The following TULP4 variants were observed in gnomAD, a reference collection of about 807,000 sequenced individuals.
TULP4 encodes tubby-related protein 4.
TULP4 carries 16 observed loss-of-function variants against 129.0 expected under a neutral mutation model. That is an observed-to-expected ratio of 0.12 (90% confidence interval 0.08 to 0.19). The LOEUF is 0.19. Among genes scored for constraint, TULP4 ranks in the 10% least tolerant of loss-of-function variants. TULP4 has a pLI of 1.00. For missense variants in TULP4, 1,842 were observed against 2,059.1 expected (o/e 0.89, Z 2.04); for synonymous variants, 998 against 854.0 (o/e 1.17, Z -2.94).
intron 1 of TULP4, among the ~76,000 whole-genome samples, chr6:158,371,265 C>G (rs1245449753): frequency 1.3e-5 from 2 of 152,156 alleles, no homozygotes; most frequent in Admixed American, 6.6e-5. Flanking sequence ...GGAGACAAAG[C>G]CCACACGGAG....
intron 1 of TULP4, among the ~76,000 whole-genome samples, chr6:158,236,778 A>C (rs924464325): frequency 1.5e-5 from 2 of 137,058 alleles, no homozygotes; most frequent in African/African-American, 5.3e-5. Context: ...CAAGATGGGT[A>C]AATGCCCAAT....
intron 1 of TULP4, among the ~76,000 whole-genome samples, chr6:158,328,485 C>T (rs896416010): frequency 2.0e-5 from 3 of 152,052 alleles, no homozygotes; most frequent in Admixed American, 1.3e-4. Context: ...CCTGAGATTC[C>T]CAAAACGAGT....
In TULP4 at chr6:158,377,698, T is replaced by A. The variant is rs141720097; in HGVS notation, c.253-35367T>A. 5.8e-4 allele frequency among the ~76,000 whole-genome samples: 88 copies of A among 152,302 alleles called. 1 individual carries two copies. The highest frequency in any genetic ancestry group is 4.1e-3 in the Admixed American group (63 of 15,300). The stretch of plus-strand genomic sequence containing the variant: ...GACTTCTGCGTGACCACATTTGGGA[T>A]GGAACAAGACATTTATTGAGGGTCT... On this transcript the variant is annotated intron_variant, in intron 1 of 13. Transcript: ENST00000367097.
intron 1 of TULP4, among the ~76,000 whole-genome samples, chr6:158,235,464 C>T (rs1222400110): frequency 6.6e-6 from 1 of 152,150 alleles, no homozygotes; most frequent in African/African-American, 2.4e-5. Flanking sequence ...AGCGTGATAT[C>T]CTCAGGGTTC....
At chr6:158,238,744 G>A (rs1777776577) in intron 1 of TULP4, among the ~76,000 whole-genome samples, 5 of 98,274 alleles carry the variant, frequency 5.1e-5, no homozygotes, top group African/African-American at 1.9e-4. Context: ...AGGGTTGGGG[G>A]TAAGGTCACA....
intron 1 of TULP4, among the ~76,000 whole-genome samples, chr6:158,285,644 T>G (rs1401211598): frequency 3.3e-5 from 5 of 152,240 alleles, no homozygotes; most frequent in Non-Finnish European, 7.3e-5. Context: ...CATGTAGTTG[T>G]AAGCACATGT....
At chr6:158,441,549 A>G (rs1778899667) in intron 3 of TULP4, among the ~76,000 whole-genome samples, 1 of 152,172 alleles carries the variant, frequency 6.6e-6, no homozygotes, top group Non-Finnish European at 1.5e-5. Context: ...GGGGTTCCAC[A>G]TGGCACTGCT....
intron 1 of TULP4, among the ~76,000 whole-genome samples, chr6:158,404,547 G>C (rs1371475285): frequency 6.6e-6 from 1 of 152,114 alleles, no homozygotes; most frequent in African/African-American, 2.4e-5. Flanking sequence ...GGAGGCCAAG[G>C]CGGGTGGATC....
intron 1 of TULP4, among the ~76,000 whole-genome samples, chr6:158,252,400 G>A (rs1778160933): frequency 1.3e-5 from 2 of 150,776 alleles, no homozygotes; most frequent in South Asian, 2.1e-4. Context: ...TTTTTAGGTG[G>A]AGTCTCGCTC....
chr6:158,240,597 C>G (rs1328235442), intron 1 of TULP4, among the ~76,000 whole-genome samples: 2 of 94,372 alleles, frequency 2.1e-5, no homozygotes, highest in African/African-American at 3.4e-5. Context: ...TAGGGGCGGC[C>G]GGGCAGAGGC....
At chr6:158,329,869 G>C (rs1583754542) in intron 1 of TULP4, among the ~76,000 whole-genome samples, 1 of 152,074 alleles carries the variant, frequency 6.6e-6, no homozygotes, top group Non-Finnish European at 1.5e-5. Context: ...GTCAGGCTCT[G>C]TAATGTAAAC....
intron 1 of TULP4, among the ~76,000 whole-genome samples, chr6:158,397,425 C>T (rs1777743087): frequency 2.0e-5 from 3 of 152,202 alleles, no homozygotes; most frequent in Non-Finnish European, 2.9e-5. Context: ...CCTGGTACTG[C>T]AGAAGAGGTA....
chr6:158,511,451 A>G lies in TULP4; in HGVS notation c.*4757A>G, dbSNP rs1317762184. On this transcript the variant is annotated 3_prime_UTR_variant, in exon 14 of 14. Coordinates refer to ENST00000367097, the MANE Select transcript of TULP4 (RefSeq NM_020245.5). ...GTGCATAGGCCCCAGACCAAACTAG[A>G]CCACCAGCATGTTCATGTCCAGACC... 6.7e-6 allele frequency: 1 copy of G among 149,736 alleles called. No individual in the cohort carries two copies. The highest frequency in any genetic ancestry group is 1.5e-5 in the Non-Finnish European group (1 of 67,732). 9.3% of individuals were successfully genotyped at this position (149,736 alleles called of 1,614,324 possible). A position where few individuals can be genotyped will look rare whatever the true frequency, so the allele number is the denominator to read the frequency against.
At chr6:158,239,260 C>T (rs1233747114) in intron 1 of TULP4, among the ~76,000 whole-genome samples, 2 of 33,416 alleles carry the variant, frequency 6.0e-5, no homozygotes, top group Non-Finnish European at 6.1e-5. Flanking sequence ...CCTCCCGGAC[C>T]GGGCGGCTGG....
intron 1 of TULP4, among the ~76,000 whole-genome samples, chr6:158,360,123 A>G (rs1005755767): frequency 6.6e-6 from 1 of 151,418 alleles, no homozygotes; most frequent in Non-Finnish European, 1.5e-5. Flanking sequence ...ACAAACAAAC[A>G]AGGAAAAAAA....
intron 1 of TULP4, among the ~76,000 whole-genome samples, chr6:158,261,975 T>C (rs183040401): frequency 2.0e-5 from 3 of 152,316 alleles, no homozygotes; most frequent in East Asian, 3.9e-4. Flanking sequence ...CTTGACTTTC[T>C]GTTATGCTTC....
At chr6:158,277,594 C>T (rs547564589), upstream of TULP4, among the ~76,000 whole-genome samples, 29 of 152,328 alleles carry the variant, frequency 1.9e-4, 1 homozygote, top group Non-Finnish European at 1.6e-4. Context: ...GCCAAAACAA[C>T]TCTTGCCCCA....
intron 5 of TULP4, among the ~76,000 whole-genome samples, chr6:158,459,541 T>C (rs1352098531): frequency 1.3e-5 from 2 of 152,086 alleles, no homozygotes; most frequent in Non-Finnish European, 2.9e-5. Context: ...CCCAGGTTGC[T>C]TGCTGAGTCC....
chr6:158,467,690 G>A (rs1199587597), intron 6 of TULP4, among the ~76,000 whole-genome samples: 1 of 152,136 alleles, frequency 6.6e-6, no homozygotes, highest in Admixed American at 6.5e-5. Context: ...AAAATTCATT[G>A]TGCCTTAAAA....
Sources: allele counts gnomAD v4.1 joint callset (sites outside exome capture counted in the v4.1 genomes callset), GRCh38; gene constraint gnomAD v4.1.1; transcripts MANE v1.5; gene names NCBI Gene and HGNC (gene_info 2026-07-23, HGNC 2026-07-21).